The following OPCML variants were observed in gnomAD, a reference collection of about 807,000 sequenced individuals.
OPCML encodes opioid binding protein/cell adhesion molecule like.
OPCML carries 13 observed loss-of-function variants against 37.8 expected under a neutral mutation model. The observed-to-expected ratio is 0.34, with a 90% CI of 0.22 to 0.55. The LOEUF (loss-of-function observed/expected upper bound fraction) is 0.55, where lower values mean the gene tolerates loss of function less well. Ranked by LOEUF, OPCML falls within the 20% of genes least tolerant of loss-of-function variation. The pLI is 0.91. For missense variants in OPCML, 341 were observed against 435.6 expected (o/e 0.78, Z 1.93); for synonymous variants, 176 against 168.8 (o/e 1.04, Z -0.33).
At chr11:132,903,528 T>C (rs1944132885) in intron 2 of OPCML, among the ~76,000 whole-genome samples, 1 of 152,028 alleles carries the variant, frequency 6.6e-6, no homozygotes, top group Non-Finnish European at 1.5e-5. Context: ...ATGATGGGAA[T>C]TGGGCGTTGG....
chr11:133,264,741 G>A (rs1463932653), intron 1 of OPCML, among the ~76,000 whole-genome samples: 5 of 146,920 alleles, frequency 3.4e-5, no homozygotes, highest in Non-Finnish European at 7.4e-5. Flanking sequence ...GCTTTCAACA[G>A]AGAAAAATAC....
Position 133,450,148 on chromosome 11 carries a change from T to C in OPCML, c.61+82116A>G, listed in dbSNP as rs575198947. Among the ~76,000 whole-genome samples, 53 of 151,914 alleles carry C rather than the reference T, an allele frequency of 3.5e-4. 1 individual carries two copies. The Middle Eastern group carries it at 0.01, about 29-fold the overall frequency. On this transcript the variant is annotated intron_variant, in intron 1 of 7. Transcript: ENST00000524381. ...GAGAAGCTCATACAAAGTCTTCACA[T>C]CACTGCGATAGTCAATTAACCAACT...
intron 1 of OPCML, among the ~76,000 whole-genome samples, chr11:133,050,556 G>A (rs1366423059): frequency 6.6e-6 from 1 of 152,084 alleles, no homozygotes; most frequent in African/African-American, 2.4e-5. Context: ...GAATAATGAG[G>A]TGGAGCCCAG....
At chr11:133,426,435 A>AT (rs1029156933) in intron 1 of OPCML, among the ~76,000 whole-genome samples, 1 of 152,086 alleles carries the variant, frequency 6.6e-6, no homozygotes, top group African/African-American at 2.4e-5. Context: ...GAGATACTCT[A>AT]TTTTTTCTGT....
At chr11:132,731,291 G>A (rs1209255475) in intron 2 of OPCML, among the ~76,000 whole-genome samples, 1 of 152,176 alleles carries the variant, frequency 6.6e-6, no homozygotes, top group Non-Finnish European at 1.5e-5. Flanking sequence ...AGTGGTTTAG[G>A]AATGAATATG....
At chr11:132,838,471 A>T (rs1410022658) in intron 2 of OPCML, among the ~76,000 whole-genome samples, 2 of 152,224 alleles carry the variant, frequency 1.3e-5, no homozygotes, top group Non-Finnish European at 2.9e-5. Context: ...CCTGCCTACA[A>T]GTAATTCACA....
intron 1 of OPCML, among the ~76,000 whole-genome samples, chr11:133,295,082 C>T (rs1395384401): frequency 6.6e-6 from 1 of 151,942 alleles, no homozygotes; most frequent in Non-Finnish European, 1.5e-5. Flanking sequence ...CCTCGGCCTC[C>T]CAAAGTGCTG....
At chr11:132,693,023 C>T (rs1943464868) in intron 2 of OPCML, among the ~76,000 whole-genome samples, 1 of 152,184 alleles carries the variant, frequency 6.6e-6, no homozygotes, top group Non-Finnish European at 1.5e-5. Flanking sequence ...GTGTGACTTA[C>T]AAGTAAAGGA....
chr11:132,794,837 A>G (rs1464176216), intron 2 of OPCML, among the ~76,000 whole-genome samples: 22 of 152,066 alleles, frequency 1.4e-4, no homozygotes. Context: ...ACTTTATACA[A>G]CTTAAAATGA....
chr11:132,694,628 C>A (rs925820674), intron 2 of OPCML, among the ~76,000 whole-genome samples: 6 of 152,198 alleles, frequency 3.9e-5, no homozygotes, highest in Admixed American at 3.9e-4. Flanking sequence ...TATCTTCATG[C>A]TCCCCTTCTT....
chr11:133,062,965 G>A (rs1206579219), intron 1 of OPCML, among the ~76,000 whole-genome samples: 1 of 152,270 alleles, frequency 6.6e-6, no homozygotes, highest in Non-Finnish European at 1.5e-5. Context: ...ACCACTGTCT[G>A]TAAAGACAGC....
intron 1 of OPCML, chr11:133,422,507 T>C: frequency 1.1e-5 from 11 of 982,708 alleles, no homozygotes; most frequent in Non-Finnish European, 1.3e-5. Flanking sequence ...GAACCACTCA[T>C]TTCTGTTTTT....
intron 1 of OPCML, among the ~76,000 whole-genome samples, chr11:133,253,931 T>C (rs1359499200): frequency 6.8e-6 from 1 of 148,126 alleles, no homozygotes. Context: ...CTTCCTTTCT[T>C]CCTTCCTTCT....
chr11:133,432,298 T>G (rs1946139039), intron 1 of OPCML, among the ~76,000 whole-genome samples: 1 of 152,196 alleles, frequency 6.6e-6, no homozygotes, highest in African/African-American at 2.4e-5. Context: ...GTCATTCTAT[T>G]TTTGCTGTTC....
At chr11:133,150,932 C>T (rs997039523) in intron 1 of OPCML, among the ~76,000 whole-genome samples, 5 of 151,980 alleles carry the variant, frequency 3.3e-5, no homozygotes, top group Non-Finnish European at 4.4e-5. Flanking sequence ...TCCCCTGCCC[C>T]GGAACCCTTC....
intron 1 of OPCML, among the ~76,000 whole-genome samples, chr11:133,365,048 T>TCACACA (rs3220326): frequency 0.01 from 1,528 of 146,566 alleles, 21 homozygotes; most frequent in African/African-American, 0.031. Flanking sequence ...TCTCTCTCTT[T>TCACACA]CACACACACA....
chr11:132,491,955 G>T lies in OPCML; in HGVS notation c.505+37106C>A, dbSNP rs1173587509. On this transcript the variant is annotated intron_variant, in intron 4 of 7. Transcript: ENST00000524381. ...TTTTTTTTTTTTTTTTTACTATCCA[G>T]TGAACAAAGAGAGTCTGACAGGTAA... is the stretch of plus-strand genomic sequence containing the variant. Among the ~76,000 whole-genome samples the T allele has an allele frequency of 5.7e-5, 8 of 141,272 alleles. No individual in the cohort carries two copies. In the South Asian group the frequency reaches 1.8e-3, roughly 32 times the overall value. 92.7% of individuals were successfully genotyped at this position (141,272 alleles called of 152,430 possible).
chr11:133,034,311 G>GTA (rs1200218447), intron 1 of OPCML, among the ~76,000 whole-genome samples: 103 of 124,778 alleles, frequency 8.3e-4, no homozygotes, highest in African/African-American at 2.9e-3. Context: ...ATGTATAGGT[G>GTA]TGTGTGTGTG....
At chr11:132,585,978 C>T (rs994320666) in intron 3 of OPCML, among the ~76,000 whole-genome samples, 2 of 152,132 alleles carry the variant, frequency 1.3e-5, no homozygotes, top group African/African-American at 4.8e-5. Flanking sequence ...GACATTGTTA[C>T]TCAGGATCCA....
Sources: allele counts gnomAD v4.1 joint callset (sites outside exome capture counted in the v4.1 genomes callset), GRCh38; gene constraint gnomAD v4.1.1; transcripts MANE v1.5; gene names NCBI Gene and HGNC (gene_info 2026-07-23, HGNC 2026-07-21).